SMG6: variants seen among roughly 807,000 people sequenced by gnomAD.
SMG6 encodes the protein SMG6 nonsense mediated mRNA decay factor, also known as telomerase-binding protein EST1A.
A neutral mutation model predicts 142.2 loss-of-function variants in SMG6; 66 were observed. The observed-to-expected ratio is 0.46, with a 90% CI of 0.38 to 0.57. SMG6 has a LOEUF of 0.57. Among genes scored for constraint, SMG6 ranks in the 20% least tolerant of loss-of-function variants. The pLI is 0.00. For synonymous variants in SMG6, 779 were observed against 702.4 expected, an observed-to-expected ratio of 1.11 and a Z score of -1.72; for missense variants, 1,793 against 1,832.0, an observed-to-expected ratio of 0.98 and a Z score of 0.39.
chr17:2,098,850 C>T (rs1184878126), intron 13 of SMG6, among the ~76,000 whole-genome samples: 2 of 152,144 alleles, frequency 1.3e-5, no homozygotes, highest in Non-Finnish European at 2.9e-5. Flanking sequence ...AGGCTGGTCT[C>T]AAACTCCTGA....
In SMG6 at chr17:2,188,477, G is replaced by T. The variant is rs2072060051; in HGVS notation, c.2908C>A (p.Gln970Lys). 1 of 1,614,032 alleles carries T rather than the reference G, an allele frequency of 6.2e-7. No homozygotes were observed. Among genetic ancestry groups the T allele is most frequent in the South Asian group, 1.1e-5 (1 of 91,080 alleles). ...ATGGCCAAGCCCAGAGCTGCGGCTT[G>T]TTCCTGGATCACAGAGCGGCACTCC... ...SEECRSVIQE[Q>K]AAALGLAMFS... Residue 970 changes from glutamine to lysine, a missense_variant, in exon 11 of 19, where the codon CAA (glutamine) becomes AAA (lysine). Gln to Lys is a moderately conservative substitution (Grantham distance 53). Around this residue, in one of 3 missense-constraint regions of SMG6, gnomAD observed 1,597 missense variants for 1,584.6 expected, o/e 1.01. Transcript: ENST00000263073.
intron 13 of SMG6, among the ~76,000 whole-genome samples, chr17:2,129,997 C>A (rs567654279): frequency 6.6e-6 from 1 of 151,612 alleles, no homozygotes; most frequent in Non-Finnish European, 1.5e-5. Flanking sequence ...AGGTGGCTCA[C>A]ATCTGTAATC....
At chr17:2,095,589 A>G (rs548982879) in intron 13 of SMG6, among the ~76,000 whole-genome samples, 75 of 152,186 alleles carry the variant, frequency 4.9e-4, no homozygotes, top group African/African-American at 1.8e-3. Flanking sequence ...CGTGGGTCAC[A>G]TTCATACCAG....
intron 13 of SMG6, 139 bp from the exon 14 acceptor site, chr17:2,086,040 G>A (rs567615959): frequency 2.4e-4 from 206 of 852,388 alleles, no homozygotes; most frequent in South Asian, 7.6e-4. Context: ...ATGACGGGGT[G>A]CGGAGGGCAC....
chr17:2,081,022 T>G (rs1201012409), intron 15 of SMG6, among the ~76,000 whole-genome samples: 3 of 152,202 alleles, frequency 2.0e-5, no homozygotes, highest in Non-Finnish European at 4.4e-5. Flanking sequence ...TGGCAGGGCC[T>G]AGACTGTCAC....
intron 4 of SMG6, among the ~76,000 whole-genome samples, chr17:2,294,898 T>C (rs1242211352): frequency 1.3e-5 from 2 of 150,742 alleles, no homozygotes; most frequent in African/African-American, 2.4e-5. Context: ...TTTTTTGAGA[T>C]AGAGTCTCAC....
chr17:2,172,941 A>G, intron 12 of SMG6, 82 bp from the exon 13 acceptor site: 1 of 1,314,582 alleles, frequency 7.6e-7, no homozygotes, highest in Non-Finnish European at 1.1e-6. Context: ...TGAGCAGGGA[A>G]GTACTTGCAG....
At chr17:2,183,741 G>A (rs1006258159) in intron 12 of SMG6, among the ~76,000 whole-genome samples, 4 of 135,030 alleles carry the variant, frequency 3.0e-5, no homozygotes, top group African/African-American at 8.6e-5. Context: ...ATACAGGTGC[G>A]TGCGACACAC....
At chr17:2,174,375 T>C (rs2071596995) in intron 12 of SMG6, among the ~76,000 whole-genome samples, 2 of 152,130 alleles carry the variant, frequency 1.3e-5, no homozygotes, top group African/African-American at 4.8e-5. Context: ...AAAGAAAGCA[T>C]TCAAGGGACA....
intron 10 of SMG6, among the ~76,000 whole-genome samples, chr17:2,218,813 T>C (rs2073092344): frequency 6.6e-6 from 1 of 152,030 alleles, no homozygotes; most frequent in African/African-American, 2.4e-5. Context: ...TGAACCCTAA[T>C]GTAAACTACG....
intron 10 of SMG6, among the ~76,000 whole-genome samples, chr17:2,209,195 G>A (rs770651492): frequency 5.8e-4 from 88 of 152,142 alleles, no homozygotes; most frequent in Non-Finnish European, 8.5e-4. Flanking sequence ...AGAGTAAGAT[G>A]TAAGACAGCT....
chr17:2,298,814 A>C, intron 2 of SMG6, 92 bp downstream of exon 2: 1 of 1,201,838 alleles, frequency 8.3e-7, no homozygotes, highest in Non-Finnish European at 1.2e-6. Flanking sequence ...CCAGTGGCTC[A>C]GCTAAAAAGT....
At chr17:2,158,858 T>C (rs4790880) in intron 13 of SMG6, among the ~76,000 whole-genome samples, 136,508 of 136,564 alleles carry the variant, frequency 1, 68,226 homozygotes, top group Middle Eastern at 1. Flanking sequence ...AAGACCCTGT[T>C]TCAAAAAAAA....
intron 13 of SMG6, among the ~76,000 whole-genome samples, chr17:2,155,438 G>A (rs2070971552): frequency 6.6e-6 from 1 of 152,124 alleles, no homozygotes; most frequent in Admixed American, 6.5e-5. Flanking sequence ...TTCTCTTCAT[G>A]TCATTAACAA....
chr17:2,198,164 G>A (rs1450842473), intron 10 of SMG6, among the ~76,000 whole-genome samples: 1 of 152,192 alleles, frequency 6.6e-6, no homozygotes, highest in Non-Finnish European at 1.5e-5. Context: ...GCAATAAAAA[G>A]GAATGAACAA....
chr17:2,260,916 A>C (rs9893527), intron 8 of SMG6, among the ~76,000 whole-genome samples: 64,329 of 151,334 alleles, frequency 0.43, 14,905 homozygotes, highest in African/African-American at 0.62. Flanking sequence ...GAATCACTTG[A>C]ACCCGGGAGG....
intron 13 of SMG6, chr17:2,101,401 C>T (rs991196436): frequency 6.6e-6 from 1 of 152,178 alleles, no homozygotes; most frequent in Non-Finnish European, 1.5e-5. Flanking sequence ...TGCACCCAAC[C>T]TACTTTATAT....
intron 13 of SMG6, chr17:2,086,953 GA>G (rs2068578908): frequency 8.0e-7 from 1 of 1,250,810 alleles, no homozygotes; most frequent in African/African-American, 1.5e-5. Flanking sequence ...TGCCACAGGG[GA>G]CGGCCCCTTC....
intron 9 of SMG6, among the ~76,000 whole-genome samples, chr17:2,243,728 G>A (rs549991435): frequency 2.9e-4 from 44 of 152,276 alleles, no homozygotes; most frequent in African/African-American, 9.1e-4. Flanking sequence ...AAGTTATGAC[G>A]GGAAGTGAAA....
Sources: allele counts gnomAD v4.1 joint callset (sites outside exome capture counted in the v4.1 genomes callset), GRCh38; gene constraint gnomAD v4.1.1; regional missense constraint gnomAD v4.1.1; transcripts MANE v1.5; gene names NCBI Gene and HGNC (gene_info 2026-07-23, HGNC 2026-07-21).